Variants in RYR2 observed in about 807,000 individuals in gnomAD.
RYR2 encodes cardiac muscle ryanodine receptor-calcium release channel.
Under a neutral mutation model 601.1 loss-of-function variants are expected in RYR2, and 227 were observed. The observed-to-expected ratio is 0.38, with a 90% confidence interval of 0.34 to 0.42. The LOEUF (loss-of-function observed/expected upper bound fraction) is 0.42. Ranked by LOEUF, RYR2 falls within the 10% of genes least tolerant of loss-of-function variation. RYR2 has a pLI of 1.00. For synonymous variants in RYR2, 2,223 were observed against 2,175.1 expected (o/e 1.02, Z -0.61); for missense variants, 4,646 against 6,156.5 (o/e 0.75, Z 8.21).
At chr1:237,677,814 C>T (rs998052963) in intron 60 of RYR2, among the ~76,000 whole-genome samples, 2 of 152,156 alleles carry the variant, frequency 1.3e-5, no homozygotes, top group Admixed American at 1.3e-4. Flanking sequence ...GTTTGTGTCT[C>T]TAACCACAAC....
intron 1 of RYR2, among the ~76,000 whole-genome samples, chr1:237,055,885 CAG>C (rs1203004079): frequency 4.6e-5 from 7 of 152,262 alleles, no homozygotes; most frequent in African/African-American, 1.7e-4. Context: ...CAGGTCCACA[CAG>C]AGGGAAGATG....
intron 3 of RYR2, among the ~76,000 whole-genome samples, chr1:237,341,066 G>A (rs748522534): frequency 6.6e-6 from 1 of 152,148 alleles, no homozygotes; most frequent in East Asian, 1.9e-4. Flanking sequence ...CAATAAAGAC[G>A]TCAATTTAAG....
intron 58 of RYR2, among the ~76,000 whole-genome samples, chr1:237,670,098 C>A (rs902725946): frequency 1.3e-5 from 2 of 152,090 alleles, no homozygotes; most frequent in African/African-American, 2.4e-5. Context: ...ACCGGCCTGG[C>A]CAACACAGCG....
intron 32 of RYR2, among the ~76,000 whole-genome samples, chr1:237,592,383 A>G (rs938456766): frequency 1.2e-4 from 19 of 152,186 alleles, no homozygotes; most frequent in African/African-American, 4.6e-4. Context: ...CTGTAATCCC[A>G]GTACTTTGGG....
intron 52 of RYR2, 25 bp from the exon 53 acceptor site, chr1:237,655,796 T>G (rs750592541): frequency 3.2e-6 from 5 of 1,556,176 alleles, no homozygotes; most frequent in Non-Finnish European, 4.3e-6. Flanking sequence ...AGTAATTTTT[T>G]TTTTTGGTCC....
Position 237,503,151 on chromosome 1 carries a change from A to T in RYR2, c.2397-138A>T. On this transcript the variant is annotated intron_variant, in intron 21 of 104. Transcript: ENST00000366574. ...GGCCCTTGAATTCTAAGGTGATCAC[A>T]TTATGATGGTACGTAGGGGAAAATG... 5.8e-6 allele frequency: 4 copies of T among 693,882 alleles called. 1 individual carries two copies. In the South Asian group the frequency reaches 7.5e-5, roughly 13 times the overall value. The allele number at this position is 693,882 out of a possible 1,614,324, so 43.0% of individuals were successfully genotyped here.
chr1:237,604,389 A>C (rs1676867956), intron 35 of RYR2, among the ~76,000 whole-genome samples: 1 of 152,208 alleles, frequency 6.6e-6, no homozygotes, highest in Non-Finnish European at 1.5e-5. Context: ...ACAAAGACAC[A>C]ACATACCAGA....
At chr1:237,789,560 A>G (rs1216439905) in intron 92 of RYR2, among the ~76,000 whole-genome samples, 4 of 151,970 alleles carry the variant, frequency 2.6e-5, no homozygotes, top group African/African-American at 9.7e-5. Context: ...TAGTTCTATT[A>G]TAGGTCATGG....
rs1695405241 is a variant in RYR2, at chr1:237,784,679, A to G, written c.12967A>G (p.Lys4323Glu). The G allele has an allele frequency of 1.2e-6, 2 of 1,611,856 alleles. No individual in the cohort carries two copies. The highest frequency in any genetic ancestry group is 2.2e-5 in the East Asian group (1 of 44,834). The change falls in exon 90 of 105, where the codon AAA (lysine) becomes GAA (glutamate). Residue 4323 changes from lysine to glutamate, a missense_variant. Around this residue, in one of 17 missense-constraint regions of RYR2, gnomAD observed 364 missense variants for 442.9 expected, o/e 0.82. Transcript: ENST00000366574. This position sits in a 1 kb window ranked among gnomAD's most constrained non-coding sequence, Gnocchi z 7.1. ...LLGGSLVEGAKKIKVAELLAN... is the reference protein window; with the variant it reads ...LLGGSLVEGAEKIKVAELLAN... ...TGGGGGAAGCCTCGTCGAAGGTGCTAAAAAGATCAAAGTTGCAGAACTGTT... is the reference window on the plus strand; with the variant it reads ...TGGGGGAAGCCTCGTCGAAGGTGCTGAAAAGATCAAAGTTGCAGAACTGTT...
At chr1:237,782,178 C>CTTTTTTTTTTTTTTTTTTT (rs35521596) in intron 89 of RYR2, among the ~76,000 whole-genome samples, 1 of 119,146 alleles carries the variant, frequency 8.4e-6, no homozygotes. Flanking sequence ...TTTGTTATTG[C>CTTTTTTTTTTTTTTTTTTT]TTTTTTTTTT....
At chr1:237,402,388 TAAAAA>T (rs759222041) in intron 10 of RYR2, among the ~76,000 whole-genome samples, 2 of 141,140 alleles carry the variant, frequency 1.4e-5, no homozygotes, top group Non-Finnish European at 3.1e-5. Context: ...CCCTATCTCT[TAAAAA>T]AAAAAGAAAA....
chr1:237,497,049 A>G (rs1664146920), intron 20 of RYR2, among the ~76,000 whole-genome samples: 1 of 152,238 alleles, frequency 6.6e-6, no homozygotes, highest in South Asian at 2.1e-4. Context: ...CTGTGTATTT[A>G]AAGAGTGCAT....
chr1:237,522,064 C>T (rs942718640), intron 24 of RYR2, among the ~76,000 whole-genome samples: 1 of 152,114 alleles, frequency 6.6e-6, no homozygotes, highest in Non-Finnish European at 1.5e-5. Flanking sequence ...TGGTGTGCTG[C>T]ACCCATTAAC....
At chr1:237,263,864 G>A (rs1453029138) in intron 1 of RYR2, among the ~76,000 whole-genome samples, 2 of 152,012 alleles carry the variant, frequency 1.3e-5, no homozygotes, top group African/African-American at 4.8e-5. Flanking sequence ...CATTCTAGTG[G>A]GGGAGGCTCA....
intron 3 of RYR2, among the ~76,000 whole-genome samples, chr1:237,338,335 T>C (rs1445854628): frequency 6.6e-6 from 1 of 152,234 alleles, no homozygotes; most frequent in Non-Finnish European, 1.5e-5. Context: ...ATACATTTTG[T>C]ATTTAACGGG....
chr1:237,674,850 G>T lies in RYR2; in HGVS notation c.8830+4G>T. The stretch of plus-strand genomic sequence containing the variant: ...CATCAGTATATCCTGGAGTTTGGTA[G>T]GTACCATAGTCCCATTGCTAATAGC... On this transcript the variant is annotated splice_donor_region_variant and intron_variant, in intron 60 of 104. Coordinates refer to ENST00000366574, the MANE Select transcript of RYR2 (RefSeq NM_001035.3). 6.5e-7 allele frequency: 1 copy of T among 1,529,372 alleles called. No homozygotes were observed. The highest frequency in any genetic ancestry group is 9.1e-7 in the Non-Finnish European group (1 of 1,104,874). 94.7% of individuals were successfully genotyped at this position (1,529,372 alleles called of 1,614,324 possible).
intron 41 of RYR2, 84 bp from the exon 42 acceptor site, chr1:237,631,343 A>T: frequency 1.2e-6 from 1 of 824,574 alleles, no homozygotes; most frequent in Non-Finnish European, 2.0e-6. Flanking sequence ...CACATAAATT[A>T]TTTCTAAAAG....
intron 27 of RYR2, among the ~76,000 whole-genome samples, chr1:237,565,167 CTTTCTTTCTTTCTT>C (rs1559035586): frequency 3.4e-4 from 7 of 20,372 alleles, no homozygotes; most frequent in African/African-American, 4.5e-4. Context: ...CTCTTTCTTT[CTTTCTTTCTTTCTT>C]TCTTTCTTTC....
intron 24 of RYR2, among the ~76,000 whole-genome samples, chr1:237,529,686 G>T (rs1226677485): frequency 1.3e-5 from 2 of 150,166 alleles, no homozygotes; most frequent in Non-Finnish European, 3.0e-5. Context: ...CAGTGCCGTG[G>T]GTACTAAAGA....
Sources: gnomAD v4.1 joint callset for allele counts (sites outside exome capture counted in the v4.1 genomes callset) on GRCh38, gnomAD v4.1.1 for gene constraint, gnomAD v4.1.1 regional missense constraint, Gnocchi (gnomAD v3.1) non-coding constraint, MANE v1.5 for transcripts, NCBI Gene and HGNC (gene_info 2026-07-23, HGNC 2026-07-21) for gene names.